The following PAG1 variants were observed in gnomAD, a reference collection of about 807,000 sequenced individuals.
PAG1 encodes the protein phosphoprotein membrane anchor with glycosphingolipid microdomains 1, also known as phosphoprotein associated with glycosphingolipid-enriched microdomains 1.
PAG1 carries 23 observed loss-of-function variants against 31.7 expected under a neutral mutation model. The observed-to-expected ratio is 0.73, with a 90% CI of 0.52 to 1.03. The LOEUF is 1.03. Among genes scored for constraint, PAG1 ranks in the 50% least tolerant of loss-of-function variants. The pLI is 0.00. For missense variants in PAG1, 473 were observed against 540.7 expected, an observed-to-expected ratio of 0.87 and a Z score of 1.24; for synonymous variants, 214 against 210.3, an observed-to-expected ratio of 1.02 and a Z score of -0.15.
chr8:81,019,490 A>C (rs2130724516), intron 3 of PAG1, among the ~76,000 whole-genome samples: 1 of 152,348 alleles, frequency 6.6e-6, no homozygotes, highest in South Asian at 2.1e-4. Context: ...CAGCCGCTTC[A>C]GTTCCAGCCA....
chr8:81,003,291 G>A (rs1586158412), intron 3 of PAG1, among the ~76,000 whole-genome samples: 1 of 152,170 alleles, frequency 6.6e-6, no homozygotes, highest in Non-Finnish European at 1.5e-5. Context: ...GGGCTCAAGA[G>A]TCTGCATTTC....
chr8:81,066,511 T>C (rs949314024), intron 2 of PAG1, among the ~76,000 whole-genome samples: 1 of 152,040 alleles, frequency 6.6e-6, no homozygotes, highest in African/African-American at 2.4e-5. Flanking sequence ...AGAGGAAAAA[T>C]CAATACCCAT....
chr8:81,041,768 A>T (rs572303724), intron 2 of PAG1, among the ~76,000 whole-genome samples: 24 of 152,282 alleles, frequency 1.6e-4, no homozygotes, highest in Admixed American at 1.1e-3. Flanking sequence ...CTTATGAACA[A>T]CTATTGCCAA....
chr8:81,055,079 T>C (rs13253746), intron 2 of PAG1, among the ~76,000 whole-genome samples: 3 of 151,104 alleles, frequency 2.0e-5, no homozygotes, highest in Admixed American at 6.6e-5. Context: ...TTTTTTCTTT[T>C]TTTTTTTTTT....
At chr8:81,023,010 G>A (rs552433437) in intron 3 of PAG1, among the ~76,000 whole-genome samples, 17 of 151,966 alleles carry the variant, frequency 1.1e-4, no homozygotes, top group South Asian at 8.3e-4. Context: ...TCTTTTCCTG[G>A]CTTCTTTAAA....
At position 80,976,657 on chromosome 8, in the gene PAG1, C is replaced by T; in HGVS notation, c.1186G>A (p.Glu396Lys). The T allele has an allele frequency of 6.2e-7, 1 of 1,614,204 alleles. No individual in the cohort carries two copies. Among genetic ancestry groups the T allele is most frequent in the South Asian group, 1.1e-5 (1 of 91,086 alleles). ...GTCCCCAGGGTGGCCTTTTCTTCCT[C>T]TCTGTTGAGAGTCTGTATCGCTTCA... ...DYEAIQTLNR[E>K]EEKATLGTNG... Residue 396 changes from glutamate (E) to lysine (K), a missense_variant, in exon 9 of 9, where the codon GAG (glutamate) becomes AAG (lysine). Transcript: ENST00000220597.
intron 2 of PAG1, among the ~76,000 whole-genome samples, chr8:81,034,047 C>G (rs1283368468): frequency 6.6e-6 from 1 of 152,172 alleles, no homozygotes; most frequent in East Asian, 1.9e-4. Flanking sequence ...AAAACTGTAC[C>G]TGGAGGCAAG....
intron 2 of PAG1, among the ~76,000 whole-genome samples, chr8:81,066,903 G>A (rs931482278): frequency 6.6e-6 from 1 of 152,176 alleles, no homozygotes; most frequent in Non-Finnish European, 1.5e-5. Flanking sequence ...GTTCATGCCT[G>A]CAATCCCAGC....
At chr8:81,082,997 G>C (rs183851163) in intron 1 of PAG1, among the ~76,000 whole-genome samples, 241 of 151,088 alleles carry the variant, frequency 1.6e-3, no homozygotes, top group African/African-American at 5.7e-3. Context: ...TGGACATTTT[G>C]GGTATTATGT....
chr8:81,035,415 G>A (rs1808446702), intron 2 of PAG1, among the ~76,000 whole-genome samples: 1 of 152,166 alleles, frequency 6.6e-6, no homozygotes, highest in Admixed American at 6.5e-5. Context: ...ATGTGACATA[G>A]TCATCCTAGT....
chr8:80,989,677 C>T (rs375377723), intron 5 of PAG1, among the ~76,000 whole-genome samples: 3 of 152,278 alleles, frequency 2.0e-5, no homozygotes, highest in African/African-American at 2.4e-5. Context: ...CTTCCTATCT[C>T]GCCCAGGGCT....
intron 3 of PAG1, among the ~76,000 whole-genome samples, chr8:81,003,663 GAA>G (rs56969169): frequency 6.6e-6 from 1 of 152,052 alleles, no homozygotes; most frequent in East Asian, 1.9e-4. Flanking sequence ...TTCCCCTTCT[GAA>G]AAATGTGGTC....
At chr8:80,985,818 T>A (rs1227461681) in intron 6 of PAG1, among the ~76,000 whole-genome samples, 1 of 152,174 alleles carries the variant, frequency 6.6e-6, no homozygotes, top group Non-Finnish European at 1.5e-5. Context: ...CCACCCCCTT[T>A]CACACAGGTG....
At chr8:81,011,377 G>C (rs1363695360) in intron 3 of PAG1, among the ~76,000 whole-genome samples, 1 of 152,110 alleles carries the variant, frequency 6.6e-6, no homozygotes, top group African/African-American at 2.4e-5. Context: ...GTTTTATAAG[G>C]GGAACTCCTT....
chr8:81,032,746 A>T (rs558285809), intron 2 of PAG1, among the ~76,000 whole-genome samples: 58 of 152,374 alleles, frequency 3.8e-4, no homozygotes, highest in Admixed American at 1.5e-3. Context: ...ATGAAACTAT[A>T]CGTCCACACA....
rs925138865 is a variant in PAG1 at position 80,972,381 on chromosome 8, A to C, written c.*4163T>G. The C allele has an allele frequency of 6.6e-6, 1 of 152,256 alleles. No homozygotes were observed. Among genetic ancestry groups the C allele is most frequent in the Admixed American group, 6.5e-5 (1 of 15,288 alleles). The allele number at this position is 152,256 out of a possible 1,614,324, so 9.4% of individuals were successfully genotyped here. ...CATTTACAAAATCCTAATTGAACTA[A>C]AGCTCTGTAATTATAGCCATGGTAT... is the stretch of plus-strand genomic sequence containing the variant. On this transcript the variant is annotated 3_prime_UTR_variant, in exon 9 of 9. Coordinates refer to ENST00000220597, the MANE Select transcript of PAG1 (RefSeq NM_018440.4).
intron 1 of PAG1, among the ~76,000 whole-genome samples, chr8:81,072,951 T>C (rs1469263125): frequency 1.3e-5 from 2 of 152,200 alleles, no homozygotes; most frequent in East Asian, 1.9e-4. Flanking sequence ...ATTTAGTGCA[T>C]GCTGACAATG....
Position 81,081,211 on chromosome 8 carries a change from T to TAA in PAG1, c.-233-11042_-233-11041insTT, listed in dbSNP as rs1563423454. On this transcript the variant is annotated intron_variant, in intron 1 of 8. Coordinates refer to ENST00000220597, the MANE Select transcript of PAG1 (RefSeq NM_018440.4). ...CCTTCCTTCCCAATCTCCAAACAAA[T>TAA]TAAAAAAAAAAACAGACTTTAGAAG... Among the ~76,000 whole-genome samples, 148 of 150,344 alleles carry TAA rather than the reference T, an allele frequency of 9.8e-4. 2 individuals carry two copies. The highest frequency in any genetic ancestry group is 3.5e-3 in the African/African-American group (143 of 40,450).
intron 2 of PAG1, among the ~76,000 whole-genome samples, chr8:81,064,200 A>C (rs1808966293): frequency 6.6e-6 from 1 of 152,188 alleles, no homozygotes; most frequent in African/African-American, 2.4e-5. Context: ...ATTTTTCCAC[A>C]GGCAGGGGGA....
Sources: gnomAD v4.1 joint callset for allele counts (sites outside exome capture counted in the v4.1 genomes callset) on GRCh38, gnomAD v4.1.1 for gene constraint, MANE v1.5 for transcripts, NCBI Gene and HGNC (gene_info 2026-07-23, HGNC 2026-07-21) for gene names.